Variants in SPRYD4 observed in about 807,000 individuals in gnomAD.
The protein encoded by SPRYD4 is SPRY domain containing 4.
SPRYD4 carries 12 observed loss-of-function variants against 16.6 expected under a neutral mutation model. That is an observed-to-expected ratio of 0.72 (90% confidence interval 0.46 to 1.17). The LOEUF (loss-of-function observed/expected upper bound fraction) is 1.17, where lower values mean the gene tolerates loss of function less well. Ranked by LOEUF, SPRYD4 falls within the 50% of genes most tolerant of loss-of-function variation. The pLI is 0.00. For synonymous variants in SPRYD4, 98 were observed against 105.4 expected (o/e 0.93, Z 0.43); for missense variants, 260 against 260.2 (o/e 1.00, Z 0.00).
chr12:56,476,484 T>C lies in SPRYD4; in HGVS notation c.*6907T>C, dbSNP rs1869824465. Reference sequence around the variant, plus strand: ...TACTCCATCCCATTGGCCAGCATGATGGTTCATGCCTGTAATCTCAGCAAT... The same window carrying C: ...TACTCCATCCCATTGGCCAGCATGACGGTTCATGCCTGTAATCTCAGCAAT... On this transcript the variant is annotated 3_prime_UTR_variant, in exon 2 of 2. Coordinates refer to ENST00000338146, the MANE Select transcript of SPRYD4 (RefSeq NM_207344.4). 6.1e-6 allele frequency: 1 copy of C among 164,276 alleles called. No homozygotes were observed. The highest frequency in any genetic ancestry group is 6.0e-5 in the Admixed American group (1 of 16,574). The allele number at this position is 164,276 out of a possible 1,614,324, so 10.2% of individuals were successfully genotyped here.
chr12:56,469,542 A>AC lies in SPRYD4; in HGVS notation c.592dup (p.His198ProfsTer5). The AC allele has an allele frequency of 6.2e-7, 1 of 1,613,780 alleles. No homozygotes were observed. The highest frequency in any genetic ancestry group is 8.5e-7 in the Non-Finnish European group (1 of 1,179,924). ...TGCTCTCTGGGATGGGGAGCTGCTG[A>AC]CCCATTCAGGGCTTGAGGTGCCCGA... On this transcript the variant is annotated frameshift_variant, in exon 2 of 2. Coordinates refer to ENST00000338146, the MANE Select transcript of SPRYD4 (RefSeq NM_207344.4). LOFTEE classifies it high-confidence loss of function.
rs1318919940 is a variant in SPRYD4, at chr12:56,471,075, T to C, written c.*1498T>C. ...AGATTTCTCCAGACTACTAAAGCCA[T>C]GTATATAGCCATTCCCACTTCCCAT... On this transcript the variant is annotated 3_prime_UTR_variant, in exon 2 of 2. Coordinates refer to ENST00000338146, the MANE Select transcript of SPRYD4 (RefSeq NM_207344.4). The C allele has an allele frequency of 1.6e-5, 5 of 319,600 alleles. No individual in the cohort carries two copies. Among genetic ancestry groups the C allele is most frequent in the Admixed American group, 4.9e-5 (1 of 20,432 alleles). The allele number at this position is 319,600 out of a possible 1,614,324, so 19.8% of individuals were successfully genotyped here. A position where few individuals can be genotyped will look rare whatever the true frequency, so the allele number is the denominator to read the frequency against.
Position 56,475,837 on chromosome 12 carries a change from T to G in SPRYD4, c.*6260T>G. 1 of 1,412,214 alleles carries G rather than the reference T, an allele frequency of 7.1e-7. No homozygotes were observed. Among genetic ancestry groups the G allele is most frequent in the South Asian group, 1.2e-5 (1 of 86,426 alleles). 87.5% of individuals were successfully genotyped at this position (1,412,214 alleles called of 1,614,324 possible). Reference sequence around the variant, plus strand: ...ACATTTCTGGAAATAAGGCTTCTAGTATGGGCTGGTGCACCTGGTAGTGGG... The same window carrying G: ...ACATTTCTGGAAATAAGGCTTCTAGGATGGGCTGGTGCACCTGGTAGTGGG... On this transcript the variant is annotated 3_prime_UTR_variant, in exon 2 of 2. Coordinates refer to ENST00000338146, the MANE Select transcript of SPRYD4 (RefSeq NM_207344.4).
chr12:56,470,711 C>G lies in SPRYD4; in HGVS notation c.*1134C>G, dbSNP rs1011716566. ...AAGGAAGGAGGCCTGAGGTTTTGCA[C>G]AATCTGTTTCAGAGCCTGTTTAGAC... On this transcript the variant is annotated 3_prime_UTR_variant, in exon 2 of 2. Coordinates refer to ENST00000338146, the MANE Select transcript of SPRYD4 (RefSeq NM_207344.4). 6.6e-6 allele frequency: 1 copy of G among 152,180 alleles called. No homozygotes were observed. Among genetic ancestry groups the G allele is most frequent in the African/African-American group, 2.4e-5 (1 of 41,454 alleles). The allele number at this position is 152,180 out of a possible 1,614,324, so 9.4% of individuals were successfully genotyped here. A position where few individuals can be genotyped will look rare whatever the true frequency, so the allele number is the denominator to read the frequency against.
In SPRYD4 at chr12:56,471,361, G is replaced by A; in HGVS notation, c.*1784G>A. 9.6e-7 allele frequency: 1 copy of A among 1,040,154 alleles called. No homozygotes were observed. Among genetic ancestry groups the A allele is most frequent in the Non-Finnish European group, 1.4e-6 (1 of 734,170 alleles). 64.4% of individuals were successfully genotyped at this position (1,040,154 alleles called of 1,614,324 possible). ...ACTCCCATAGAAAGCACTAGCCTAA[G>A]TCACCAAATGACTGCTTGGTCCCCA... is the stretch of plus-strand genomic sequence containing the variant. On this transcript the variant is annotated 3_prime_UTR_variant, in exon 2 of 2. Transcript: ENST00000338146.
At position 56,475,573 on chromosome 12, in the gene SPRYD4, C is replaced by T. The variant is rs370220274; in HGVS notation, c.*5996C>T. The T allele has an allele frequency of 1.1e-5, 17 of 1,571,046 alleles. No homozygotes were observed. The Middle Eastern group carries it at 1.0e-3, about 93-fold the overall frequency. The stretch of plus-strand genomic sequence containing the variant: ...ATTCCTCTTGTCCCCATCCTAAGTA[C>T]ACACACATACACCACAATGCTTTCA... On this transcript the variant is annotated 3_prime_UTR_variant, in exon 2 of 2. Transcript: ENST00000338146.
At position 56,477,539 on chromosome 12, in the gene SPRYD4, G is replaced by C; in HGVS notation, c.*7962G>C. 1 of 991,920 alleles carries C rather than the reference G, an allele frequency of 1.0e-6. No homozygotes were observed. Among genetic ancestry groups the C allele is most frequent in the Non-Finnish European group, 1.5e-6 (1 of 656,810 alleles). 61.4% of individuals were successfully genotyped at this position (991,920 alleles called of 1,614,324 possible). A position where few individuals can be genotyped will look rare whatever the true frequency, so the allele number is the denominator to read the frequency against. On this transcript the variant is annotated 3_prime_UTR_variant, in exon 2 of 2. Transcript: ENST00000338146. ...CCCTGCTGTGCCTCATGTGCCTTCT[G>C]GGGACCCTCAAAGGAATCAGAGCCC...
chr12:56,476,023 G>A lies in SPRYD4; in HGVS notation c.*6446G>A. 1 of 1,589,436 alleles carries A rather than the reference G, an allele frequency of 6.3e-7. No homozygotes were observed. The highest frequency in any genetic ancestry group is 8.6e-7 in the Non-Finnish European group (1 of 1,163,032). ...GTCAGCATTCTAAGTGTAGGAGGAT[G>A]ACAGAGGGAAGGGTCAGAAGGATCT... On this transcript the variant is annotated 3_prime_UTR_variant, in exon 2 of 2. Transcript: ENST00000338146.
Position 56,474,618 on chromosome 12 carries a change from C to T in SPRYD4, c.*5041C>T, listed in dbSNP as rs771966240. 1 of 1,614,094 alleles carries T rather than the reference C, an allele frequency of 6.2e-7. No individual in the cohort carries two copies. The highest frequency in any genetic ancestry group is 2.2e-5 in the East Asian group (1 of 44,904). On this transcript the variant is annotated 3_prime_UTR_variant, in exon 2 of 2. Coordinates refer to ENST00000338146, the MANE Select transcript of SPRYD4 (RefSeq NM_207344.4). ...AGGCTGAGGGTGTTGCGCACTGCTTCAGCACTCAGCACACTCTCGCCTGTG... is the reference window on the plus strand; with the variant it reads ...AGGCTGAGGGTGTTGCGCACTGCTTTAGCACTCAGCACACTCTCGCCTGTG...
In SPRYD4 at chr12:56,476,035, G is replaced by A; in HGVS notation, c.*6458G>A. 6.4e-7 allele frequency: 1 copy of A among 1,551,770 alleles called. No individual in the cohort carries two copies. The highest frequency in any genetic ancestry group is 1.7e-5 in the Admixed American group (1 of 59,574). On this transcript the variant is annotated 3_prime_UTR_variant, in exon 2 of 2. Coordinates refer to ENST00000338146, the MANE Select transcript of SPRYD4 (RefSeq NM_207344.4). ...AGTGTAGGAGGATGACAGAGGGAAG[G>A]GTCAGAAGGATCTAGTGGAGTTCTA...
Position 56,468,603 on chromosome 12 carries a change from T to G in SPRYD4, c.12T>G (p.Leu4=). 2 of 1,613,504 alleles carry G rather than the reference T, an allele frequency of 1.2e-6. No homozygotes were observed. Among genetic ancestry groups the G allele is most frequent in the South Asian group, 1.1e-5 (1 of 91,044 alleles). The change falls in exon 1 of 2, where the codon CTT becomes CTG. Residue 4 remains leucine (L), a synonymous_variant. Coordinates refer to ENST00000338146, the MANE Select transcript of SPRYD4 (RefSeq NM_207344.4). The part of the protein sequence containing the change: MAL[L]FARSLRLCRW... ...ATCCAAGGCGCAAGATGGCGCTGCT[T>G]TTTGCACGTTCTTTGCGCTTGTGCC...
chr12:56,472,754 G>A lies in SPRYD4; in HGVS notation c.*3177G>A. The A allele has an allele frequency of 6.2e-7, 1 of 1,613,692 alleles. No homozygotes were observed. Among genetic ancestry groups the A allele is most frequent in the African/African-American group, 1.3e-5 (1 of 75,002 alleles). On this transcript the variant is annotated 3_prime_UTR_variant, in exon 2 of 2. Coordinates refer to ENST00000338146, the MANE Select transcript of SPRYD4 (RefSeq NM_207344.4). The stretch of plus-strand genomic sequence containing the variant: ...AACAGGTTGACCACAGTCTTGTTCT[G>A]GAACACAAATCATACCCACATGACA...
Position 56,478,232 on chromosome 12 carries a change from A to T in SPRYD4, c.*8655A>T, listed in dbSNP as rs1164406544. 3.1e-6 allele frequency: 5 copies of T among 1,614,078 alleles called. No individual in the cohort carries two copies. Among genetic ancestry groups the T allele is most frequent in the South Asian group, 1.1e-5 (1 of 91,088 alleles). On this transcript the variant is annotated 3_prime_UTR_variant, in exon 2 of 2. Transcript: ENST00000338146. Reference sequence around the variant, plus strand: ...GAGACACCCCACAGGTCTGGGTTTGACTTGGCCAGCTGAGGGATGTAGGCT... The same window carrying T: ...GAGACACCCCACAGGTCTGGGTTTGTCTTGGCCAGCTGAGGGATGTAGGCT...
rs1206670403 is a variant in SPRYD4 at position 56,478,273 on chromosome 12, G to A, written c.*8696G>A. On this transcript the variant is annotated 3_prime_UTR_variant, in exon 2 of 2. Transcript: ENST00000338146. ...GATGTAGGCTGCCACCTGGACATGA[G>A]TGGGTAGAGAAAAGGGAGATGGATG... is the stretch of plus-strand genomic sequence containing the variant. 7 of 1,613,848 alleles carry A rather than the reference G, an allele frequency of 4.3e-6. No homozygotes were observed. Among genetic ancestry groups the A allele is most frequent in the Non-Finnish European group, 2.5e-6 (3 of 1,179,724 alleles).
In SPRYD4 at chr12:56,471,312, C is replaced by A; in HGVS notation, c.*1735C>A. 1 of 649,436 alleles carries A rather than the reference C, an allele frequency of 1.5e-6. No individual in the cohort carries two copies. Among genetic ancestry groups the A allele is most frequent in the South Asian group, 2.2e-5 (1 of 46,418 alleles). The allele number at this position is 649,436 out of a possible 1,614,324, so 40.2% of individuals were successfully genotyped here. A position where few individuals can be genotyped will look rare whatever the true frequency, so the allele number is the denominator to read the frequency against. On this transcript the variant is annotated 3_prime_UTR_variant, in exon 2 of 2. Coordinates refer to ENST00000338146, the MANE Select transcript of SPRYD4 (RefSeq NM_207344.4). ...TCTGAGGCCCTTCTCTGTACTCTGT[C>A]TGCTGAGGGAATGGGGTATTTTGAC...
In SPRYD4 at chr12:56,472,949, G is replaced by A. The variant is rs565218589; in HGVS notation, c.*3372G>A. 9.5e-5 allele frequency: 56 copies of A among 586,564 alleles called. 1 individual carries two copies. The highest frequency in any genetic ancestry group is 5.4e-4 in the East Asian group (18 of 33,350). 36.3% of individuals were successfully genotyped at this position (586,564 alleles called of 1,614,324 possible). A position where few individuals can be genotyped will look rare whatever the true frequency, so the allele number is the denominator to read the frequency against. On this transcript the variant is annotated 3_prime_UTR_variant, in exon 2 of 2. Transcript: ENST00000338146. ...GTCGTTCAGGCTGAAGTGTAGTGGC[G>A]CGCGGTCTTGGCTCACTGCAACCTC... is the stretch of plus-strand genomic sequence containing the variant.
Position 56,472,367 on chromosome 12 carries a change from C to T in SPRYD4, c.*2790C>T, listed in dbSNP as rs770188028. On this transcript the variant is annotated 3_prime_UTR_variant, in exon 2 of 2. Coordinates refer to ENST00000338146, the MANE Select transcript of SPRYD4 (RefSeq NM_207344.4). ...CATATCCAGATGAGACTGTTATACT[C>T]ATATTAGAGAGATGGGAATGTGATC... is the stretch of plus-strand genomic sequence containing the variant. 3.0e-4 allele frequency: 186 copies of T among 623,866 alleles called. No homozygotes were observed. The highest frequency in any genetic ancestry group is 4.7e-4 in the Non-Finnish European group (168 of 355,526). The allele number at this position is 623,866 out of a possible 1,614,324, so 38.6% of individuals were successfully genotyped here. A position where few individuals can be genotyped will look rare whatever the true frequency, so the allele number is the denominator to read the frequency against.
Position 56,475,331 on chromosome 12 carries a change from C to CTA in SPRYD4, c.*5755_*5756dup, listed in dbSNP as rs1391638672. ...ACCCAAACCAAACACCCCAAACTGT[C>CTA]TAGTCATCTAGGAAAACTGGTGAAG... On this transcript the variant is annotated 3_prime_UTR_variant, in exon 2 of 2. Transcript: ENST00000338146. The CTA allele has an allele frequency of 1.7e-5, 21 of 1,209,062 alleles. No individual in the cohort carries two copies. The East Asian group carries it at 2.5e-4, about 15-fold the overall frequency. The allele number at this position is 1,209,062 out of a possible 1,614,324, so 74.9% of individuals were successfully genotyped here. A position where few individuals can be genotyped will look rare whatever the true frequency, so the allele number is the denominator to read the frequency against.
In SPRYD4 at chr12:56,477,626, A is replaced by T; in HGVS notation, c.*8049A>T. Reference sequence around the variant, plus strand: ...ATACAGGAACACAGGAGCTTAGAGGATAATACCTATCAGAAGGTTAAGGTG... The same window carrying T: ...ATACAGGAACACAGGAGCTTAGAGGTTAATACCTATCAGAAGGTTAAGGTG... On this transcript the variant is annotated 3_prime_UTR_variant, in exon 2 of 2. Coordinates refer to ENST00000338146, the MANE Select transcript of SPRYD4 (RefSeq NM_207344.4). The T allele has an allele frequency of 6.3e-7, 1 of 1,598,768 alleles. No homozygotes were observed. The highest frequency in any genetic ancestry group is 1.1e-5 in the South Asian group (1 of 90,304).
Sources: gnomAD v4.1 joint callset for allele counts on GRCh38, gnomAD v4.1.1 for gene constraint, MANE v1.5 for transcripts, NCBI Gene and HGNC (gene_info 2026-07-23, HGNC 2026-07-21) for gene names.